Variants in WDR7 observed in about 807,000 individuals in gnomAD.
The protein encoded by WDR7 is WD repeat-containing protein 7.
A neutral mutation model predicts 169.4 loss-of-function variants in WDR7; 46 were observed. The ratio of observed to expected loss-of-function variants is 0.27; its 90% CI spans 0.21 to 0.35. WDR7 has a LOEUF of 0.35. WDR7 is among the 10% of genes least tolerant of loss of function. WDR7 has a pLI of 1.00. For synonymous variants in WDR7, 612 were observed against 666.8 expected (o/e 0.92, Z 1.27); for missense variants, 1,534 against 1,859.3 (o/e 0.83, Z 3.22).
At chr18:56,935,133 G>A (rs1207410704) in intron 22 of WDR7, among the ~76,000 whole-genome samples, 1 of 152,130 alleles carries the variant, frequency 6.6e-6, no homozygotes, top group African/African-American at 2.4e-5. Flanking sequence ...AAATAGCCTG[G>A]ACAACATCAT....
chr18:56,940,904 T>G (rs1327835587), intron 25 of WDR7, among the ~76,000 whole-genome samples: 1 of 152,148 alleles, frequency 6.6e-6, no homozygotes, highest in Non-Finnish European at 1.5e-5. Flanking sequence ...AAAACCACCT[T>G]AGTCTGCTGC....
At position 56,672,432 on chromosome 18, in the gene WDR7, A is replaced by G. The variant is rs527371617; in HGVS notation, c.-19-65A>G. 2,970 of 1,316,602 alleles carry G rather than the reference A, an allele frequency of 2.3e-3. 4 individuals are homozygous for G. Among genetic ancestry groups the G allele is most frequent in the Non-Finnish European group, 2.8e-3 (2,837 of 1,005,622 alleles). 81.6% of individuals were successfully genotyped at this position (1,316,602 alleles called of 1,614,324 possible). ...ATTTTCAAATTGTTGGTTTTATAAC[A>G]AAAATATATAACATGTTTTCGAGAG... On this transcript the variant is annotated intron_variant, in intron 1 of 27. Coordinates refer to ENST00000254442, the MANE Select transcript of WDR7 (RefSeq NM_015285.3).
At position 56,790,540 on chromosome 18, in the gene WDR7, T is replaced by C. The variant is rs374277275; in HGVS notation, c.3190+8884T>C. Among the ~76,000 whole-genome samples the C allele has an allele frequency of 4.3e-4, 65 of 152,308 alleles. No individual in the cohort carries two copies. In the East Asian group the frequency reaches 5.0e-3, roughly 12 times the overall value. On this transcript the variant is annotated intron_variant, in intron 19 of 27. Transcript: ENST00000254442. Reference sequence around the variant, plus strand: ...TTTACCTGTAATATTTTTATTATATTAGCTAATGATAGATTTTGTTCTAGT... The same window carrying C: ...TTTACCTGTAATATTTTTATTATATCAGCTAATGATAGATTTTGTTCTAGT...
intron 19 of WDR7, among the ~76,000 whole-genome samples, chr18:56,783,203 T>G (rs2044346620): frequency 6.6e-6 from 1 of 151,366 alleles, no homozygotes; most frequent in Non-Finnish European, 1.5e-5. Flanking sequence ...GACTCTAAGT[T>G]ATTAGGCTTA....
At chr18:56,952,290 G>C (rs1231532509) in intron 25 of WDR7, among the ~76,000 whole-genome samples, 3 of 152,192 alleles carry the variant, frequency 2.0e-5, no homozygotes, top group African/African-American at 7.2e-5. Flanking sequence ...CTCGACTTCA[G>C]TTTCCTCCTG....
At chr18:56,715,351 C>G (rs2026168382) in intron 12 of WDR7, among the ~76,000 whole-genome samples, 1 of 152,146 alleles carries the variant, frequency 6.6e-6, no homozygotes, top group African/African-American at 2.4e-5. Context: ...GGCAAAACTT[C>G]ATATTGACTC....
In WDR7 at chr18:57,020,339, G is replaced by A. The variant is rs372678711; in HGVS notation, c.4165-406G>A. Among the ~76,000 whole-genome samples the A allele has an allele frequency of 2.0e-4, 31 of 152,286 alleles. 1 individual carries two copies. The South Asian group carries it at 3.9e-3, about 19-fold the overall frequency. ...CTTCCAGAACAGGGATTTTTATAAC[G>A]CAGCTTTGATTGTTTTTTATTTCAG... On this transcript the variant is annotated intron_variant, in intron 26 of 27. Transcript: ENST00000254442.
At position 56,672,635 on chromosome 18, in the gene WDR7, C is replaced by T. The variant is rs372416512; in HGVS notation, c.120C>T (p.Asp40=). 137 of 1,612,104 alleles carry T rather than the reference C, an allele frequency of 8.5e-5. No homozygotes were observed. Among genetic ancestry groups the T allele is most frequent in the Middle Eastern group, 3.3e-4 (2 of 6,052 alleles). ...CCACGATCGTAACAGGATGTCACGA[C>T]GGACAAATATGTCTCTGGGATCTTT... ...DGATIVTGCH[D]GQICLWDLSV... The change falls in exon 2 of 28, where the codon GAC becomes GAT. Residue 40 remains aspartate, a synonymous_variant. Coordinates refer to ENST00000254442, the MANE Select transcript of WDR7 (RefSeq NM_015285.3).
At chr18:57,020,656 A>C in intron 26 of WDR7, 89 bp from the exon 27 acceptor site, 1 of 1,194,366 alleles carries the variant, frequency 8.4e-7, no homozygotes, top group Non-Finnish European at 1.2e-6. Context: ...CCCATGACGT[A>C]ACTTGTTCAA....
chr18:56,918,924 G>A (rs946722226), intron 21 of WDR7, among the ~76,000 whole-genome samples: 8 of 152,058 alleles, frequency 5.3e-5, no homozygotes, highest in Non-Finnish European at 1.2e-4. Flanking sequence ...TTTGGCCCAG[G>A]GAACTTAACC....
At chr18:56,970,801 C>G (rs2047473057) in intron 26 of WDR7, among the ~76,000 whole-genome samples, 3 of 152,162 alleles carry the variant, frequency 2.0e-5, no homozygotes, top group Admixed American at 1.3e-4. Flanking sequence ...CCTAGAAATC[C>G]TTATTTATAT....
chr18:56,933,608 A>G (rs541697732), intron 22 of WDR7, among the ~76,000 whole-genome samples: 3 of 152,350 alleles, frequency 2.0e-5, no homozygotes, highest in Admixed American at 1.3e-4. Flanking sequence ...CTAACCATTC[A>G]TCCAAAGCCA....
chr18:57,008,488 T>G (rs2048096226), intron 26 of WDR7, among the ~76,000 whole-genome samples: 1 of 152,186 alleles, frequency 6.6e-6, no homozygotes, highest in African/African-American at 2.4e-5. Flanking sequence ...CCACCTCTCC[T>G]CGCCCCCTGG....
At chr18:56,903,477 T>A (rs1311425837) in intron 21 of WDR7, among the ~76,000 whole-genome samples, 7 of 152,180 alleles carry the variant, frequency 4.6e-5, no homozygotes, top group African/African-American at 1.7e-4. Context: ...TGGAATGCAG[T>A]GACGTGATCT....
At chr18:56,765,218 AT>A (rs1370061104) in intron 16 of WDR7, among the ~76,000 whole-genome samples, 1 of 152,032 alleles carries the variant, frequency 6.6e-6, no homozygotes, top group Non-Finnish European at 1.5e-5. Context: ...CTTGAGATGC[AT>A]AAGCCGTTTA....
chr18:56,910,932 T>C (rs919256110), intron 21 of WDR7, among the ~76,000 whole-genome samples: 1 of 152,194 alleles, frequency 6.6e-6, no homozygotes, highest in Non-Finnish European at 1.5e-5. Context: ...TTATTGTGTA[T>C]CCTTTTGTTA....
At chr18:57,023,642 C>G (rs1266847971) in intron 27 of WDR7, among the ~76,000 whole-genome samples, 1 of 152,196 alleles carries the variant, frequency 6.6e-6, no homozygotes, top group East Asian at 1.9e-4. Flanking sequence ...TCTCATCTAT[C>G]AAATGATGTA....
chr18:56,652,112 G>A (rs558421550), intron 1 of WDR7, among the ~76,000 whole-genome samples: 1 of 152,238 alleles, frequency 6.6e-6, no homozygotes, highest in South Asian at 2.1e-4. Flanking sequence ...TTAGTGATGG[G>A]TCCCAGCGTT....
intron 14 of WDR7, among the ~76,000 whole-genome samples, chr18:56,732,861 A>G (rs1393137788): frequency 6.6e-6 from 1 of 152,190 alleles, no homozygotes; most frequent in African/African-American, 2.4e-5. Context: ...TTTTGAGCAA[A>G]TTTATAAAAC....
Sources: gnomAD v4.1 joint callset for allele counts (sites outside exome capture counted in the v4.1 genomes callset) on GRCh38, gnomAD v4.1.1 for gene constraint, MANE v1.5 for transcripts, NCBI Gene and HGNC (gene_info 2026-07-23, HGNC 2026-07-21) for gene names.